TMEM132B: variants seen among roughly 807,000 people sequenced by gnomAD.
TMEM132B encodes transmembrane protein 132B.
A neutral mutation model predicts 90.8 loss-of-function variants in TMEM132B; 18 were observed. That is an observed-to-expected ratio of 0.20 (90% CI 0.14 to 0.29). The LOEUF is 0.29. TMEM132B is among the 10% of genes least tolerant of loss of function. TMEM132B has a pLI of 1.00. For missense variants in TMEM132B, 1,096 were observed against 1,326.8 expected (o/e 0.83, Z 2.70); for synonymous variants, 504 against 523.3 (o/e 0.96, Z 0.50).
At chr12:125,379,933 A>G (rs149303044) in intron 2 of TMEM132B, among the ~76,000 whole-genome samples, 107 of 152,308 alleles carry the variant, frequency 7.0e-4, no homozygotes, top group African/African-American at 2.5e-3. Context: ...TTCAGGGTAG[A>G]TCTGTGAACT....
chr12:125,321,975 A>C (rs886621929), intron 1 of TMEM132B, among the ~76,000 whole-genome samples: 6 of 152,256 alleles, frequency 3.9e-5, no homozygotes, highest in African/African-American at 7.2e-5. Context: ...TGGAATAAAA[A>C]GGCACAACCT....
At chr12:125,275,142 G>A (rs183228154) in intron 1 of TMEM132B, among the ~76,000 whole-genome samples, 19 of 152,242 alleles carry the variant, frequency 1.2e-4, no homozygotes, top group East Asian at 5.8e-4. Context: ...AACCCGGAAC[G>A]TGGGCTGGAC....
Position 125,460,568 on chromosome 12 carries a change from C to A in TMEM132B, c.1106+44891C>A, listed in dbSNP as rs1361041351. Among the ~76,000 whole-genome samples, 1 of 152,154 alleles carries A rather than the reference C, an allele frequency of 6.6e-6. No homozygotes were observed. The highest frequency in any genetic ancestry group is 1.5e-5 in the Non-Finnish European group (1 of 68,018). On this transcript the variant is annotated intron_variant, in intron 3 of 8. Transcript: ENST00000682704. This position sits in a 1 kb window ranked among gnomAD's most constrained non-coding sequence, Gnocchi z 4.4. ...ATTTTCGTTCTTAAGCTAAAGAAAT[C>A]ATCTCTCCTTCAGTCCAACGCATTT...
chr12:125,208,464 G>A (rs1265065388), intron 1 of TMEM132B, among the ~76,000 whole-genome samples: 1 of 152,100 alleles, frequency 6.6e-6, no homozygotes, highest in Non-Finnish European at 1.5e-5. Context: ...CATTCCTCCA[G>A]GCCCTGGAAA....
intron 2 of TMEM132B, among the ~76,000 whole-genome samples, chr12:125,384,940 C>A (rs1017829794): frequency 2.0e-5 from 3 of 152,214 alleles, no homozygotes; most frequent in Non-Finnish European, 4.4e-5. Context: ...GCATGAGCCA[C>A]CATGCCCAGC....
chr12:125,332,156 T>C (rs909625092), intron 1 of TMEM132B, among the ~76,000 whole-genome samples: 1 of 152,246 alleles, frequency 6.6e-6, no homozygotes, highest in Non-Finnish European at 1.5e-5. Context: ...TACATGTTAA[T>C]ACATTTAAAA....
At chr12:125,396,617 A>T (rs1465021729) in intron 2 of TMEM132B, among the ~76,000 whole-genome samples, 5 of 151,898 alleles carry the variant, frequency 3.3e-5, no homozygotes. Flanking sequence ...GGCTCAGGTG[A>T]TCCTCCCACC....
chr12:125,202,667 G>T (rs1267468434), intron 1 of TMEM132B, among the ~76,000 whole-genome samples: 1 of 152,228 alleles, frequency 6.6e-6, no homozygotes, highest in African/African-American at 2.4e-5. Context: ...TCCCTTCAAT[G>T]TTGAGCCATT....
At position 125,326,341 on chromosome 12, in the gene TMEM132B, T is replaced by C. The variant is rs73233380; in HGVS notation, c.68-23111T>C. On this transcript the variant is annotated intron_variant, in intron 1 of 8. Coordinates refer to ENST00000682704, the MANE Select transcript of TMEM132B (RefSeq NM_001366854.1). ...TATTGATTGCTTTTGGGGAGGAGAA[T>C]TACTCTGTTCCGAAGTGACTGGTCT... Among the ~76,000 whole-genome samples the C allele has an allele frequency of 4.9e-3, 744 of 152,210 alleles. 2 individuals carry two copies. The highest frequency in any genetic ancestry group is 7.8e-3 in the Non-Finnish European group (532 of 67,992).
chr12:125,403,000 C>A (rs1355654315), intron 2 of TMEM132B, among the ~76,000 whole-genome samples: 1 of 152,192 alleles, frequency 6.6e-6, no homozygotes, highest in Non-Finnish European at 1.5e-5. Context: ...GCACCAAATT[C>A]ATATTTTTAC....
intron 5 of TMEM132B, among the ~76,000 whole-genome samples, chr12:125,642,213 G>A (rs1476496528): frequency 6.6e-6 from 1 of 152,126 alleles, no homozygotes; most frequent in East Asian, 1.9e-4. Context: ...TCAGCATTGT[G>A]TCAGCATCTA....
At chr12:125,523,363 TG>T (rs1360793909) in intron 4 of TMEM132B, among the ~76,000 whole-genome samples, 1 of 152,116 alleles carries the variant, frequency 6.6e-6, no homozygotes, top group African/African-American at 2.4e-5. Flanking sequence ...CCTTGGCTCG[TG>T]GGTCCACGTG....
At chr12:125,316,772 G>A (rs1016151903) in intron 1 of TMEM132B, among the ~76,000 whole-genome samples, 2 of 152,166 alleles carry the variant, frequency 1.3e-5, no homozygotes, top group Non-Finnish European at 2.9e-5. Flanking sequence ...CGTAAGCGAG[G>A]GGGACAGAGC....
intron 1 of TMEM132B, among the ~76,000 whole-genome samples, chr12:125,225,737 G>A (rs1873665906): frequency 6.6e-6 from 1 of 152,092 alleles, no homozygotes; most frequent in Non-Finnish European, 1.5e-5. Flanking sequence ...TTCTGTGCTG[G>A]GTCTCTGCAT....
chr12:125,313,310 G>A (rs1876165016), intron 1 of TMEM132B, among the ~76,000 whole-genome samples: 1 of 152,064 alleles, frequency 6.6e-6, no homozygotes, highest in Non-Finnish European at 1.5e-5. Flanking sequence ...TCAGATAGAC[G>A]CAATTCCTAG....
At chr12:125,527,607 T>G (rs1883526114) in intron 4 of TMEM132B, among the ~76,000 whole-genome samples, 1 of 144,958 alleles carries the variant, frequency 6.9e-6, no homozygotes, top group Non-Finnish European at 1.5e-5. Flanking sequence ...TATCCACCCA[T>G]CCACCCTTCC....
At chr12:125,288,975 G>A (rs1012364066) in intron 1 of TMEM132B, among the ~76,000 whole-genome samples, 1 of 152,310 alleles carries the variant, frequency 6.6e-6, no homozygotes, top group East Asian at 1.9e-4. Context: ...GAGGCAGCAG[G>A]GGACTGTGGC....
chr12:125,266,094 T>C (rs1400972812), intron 1 of TMEM132B, among the ~76,000 whole-genome samples: 1 of 151,992 alleles, frequency 6.6e-6, no homozygotes, highest in African/African-American at 2.4e-5. Flanking sequence ...CCAGGTGTGG[T>C]GGCGGGCATC....
chr12:125,510,813 A>G (rs1882958324), intron 3 of TMEM132B, among the ~76,000 whole-genome samples: 1 of 152,152 alleles, frequency 6.6e-6, no homozygotes, highest in African/African-American at 2.4e-5. Context: ...TAATTATTGC[A>G]TATGTTTCTA....
Sources: gnomAD v4.1 joint callset for allele counts (sites outside exome capture counted in the v4.1 genomes callset) on GRCh38, gnomAD v4.1.1 for gene constraint, Gnocchi (gnomAD v3.1) non-coding constraint, MANE v1.5 for transcripts, NCBI Gene and HGNC (gene_info 2026-07-23, HGNC 2026-07-21) for gene names.